Variants in EYA4 observed in about 807,000 individuals in gnomAD.
EYA4 encodes EYA transcriptional coactivator and phosphatase 4.
A neutral mutation model predicts 87.9 loss-of-function variants in EYA4; 31 were observed. That is an observed-to-expected ratio of 0.35 (90% CI 0.27 to 0.48). The LOEUF (loss-of-function observed/expected upper bound fraction) is 0.48. Ranked by LOEUF, EYA4 falls within the 20% of genes least tolerant of loss-of-function variation. The pLI is 0.99. For synonymous variants in EYA4, 263 were observed against 270.6 expected (o/e 0.97, Z 0.28); for missense variants, 678 against 761.4 (o/e 0.89, Z 1.29).
chr6:133,520,135 G>A (rs1433659590), intron 17 of EYA4, among the ~76,000 whole-genome samples: 1 of 151,876 alleles, frequency 6.6e-6, no homozygotes, highest in Non-Finnish European at 1.5e-5. Flanking sequence ...TTCTGGCCAG[G>A]GCAATTAGGC....
intron 14 of EYA4, among the ~76,000 whole-genome samples, chr6:133,509,359 A>T (rs1231969356): frequency 6.6e-6 from 1 of 151,210 alleles, no homozygotes; most frequent in African/African-American, 2.4e-5. Context: ...TTATGTTGTC[A>T]TTGTTGATGT....
intron 2 of EYA4, among the ~76,000 whole-genome samples, chr6:133,301,820 T>A (rs1057168180): frequency 4.3e-4 from 65 of 152,148 alleles, no homozygotes; most frequent in African/African-American, 1.5e-3. Flanking sequence ...TTTTTGCCAG[T>A]TTGCATTTTG....
intron 11 of EYA4, among the ~76,000 whole-genome samples, chr6:133,475,053 A>AAT: frequency 6.6e-6 from 1 of 152,246 alleles, no homozygotes; most frequent in South Asian, 2.1e-4. Context: ...TTATTCAATC[A>AAT]TGTATAGTAT....
At chr6:133,514,691 C>T (rs1799439088) in intron 16 of EYA4, among the ~76,000 whole-genome samples, 1 of 152,176 alleles carries the variant, frequency 6.6e-6, no homozygotes, top group Admixed American at 6.5e-5. Flanking sequence ...AAAATTAGCA[C>T]ATCTATCTTT....
At chr6:133,286,216 A>G (rs1011696998) in intron 2 of EYA4, among the ~76,000 whole-genome samples, 1 of 152,184 alleles carries the variant, frequency 6.6e-6, no homozygotes, top group Admixed American at 6.5e-5. Flanking sequence ...TTGCTAGTGC[A>G]CTGCATGGGG....
At position 133,318,799 on chromosome 6, in the gene EYA4, C is replaced by A. The variant is rs551153536; in HGVS notation, c.33+43986C>A. 5.3e-5 allele frequency among the ~76,000 whole-genome samples: 8 copies of A among 152,218 alleles called. 1 individual carries two copies. In the South Asian group the frequency reaches 1.7e-3, roughly 32 times the overall value. ...CTCTCATTTGTATGTAAGTGTGTTC[C>A]TAATGTTGAGTTTCCTTGCAAGTCC... On this transcript the variant is annotated intron_variant, in intron 2 of 19. Transcript: ENST00000355286.
rs1795062840 is a variant in EYA4 at position 133,468,717 on chromosome 6, T to C, written c.956T>C (p.Leu319Pro). 1.2e-6 allele frequency: 2 copies of C among 1,612,938 alleles called. No individual in the cohort carries two copies. The highest frequency in any genetic ancestry group is 1.3e-5 in the African/African-American group (1 of 74,874). The change falls in exon 11 of 20, where the codon CTG becomes CCG. Residue 319 changes from leucine to proline, a missense_variant. Leu to Pro is a moderately conservative substitution (Grantham distance 98, BLOSUM62 -3). Transcript: ENST00000355286. ...TYQLQESLPG[L>P]TNQPGEFDTM... ...CAGTTGCAGGAATCTCTCCCAGGAC[T>C]GACTAACCAACCAGGTACAGATCTT...
chr6:133,399,445 A>ATG (rs927047440), intron 3 of EYA4, among the ~76,000 whole-genome samples: 43 of 152,150 alleles, frequency 2.8e-4, no homozygotes, highest in Non-Finnish European at 5.4e-4. Context: ...AAGGTGGAAA[A>ATG]AGTTAGAGAG....
At chr6:133,274,927 G>T in intron 2 of EYA4, 114 bp downstream of exon 2, 1 of 845,912 alleles carries the variant, frequency 1.2e-6, no homozygotes, top group Non-Finnish European at 1.9e-6. Context: ...ATTTTTAAAT[G>T]ATTTTTGAAT....
intron 2 of EYA4, 82 bp from the exon 3 acceptor site, chr6:133,382,310 C>T: frequency 2.1e-6 from 2 of 946,566 alleles, no homozygotes; most frequent in South Asian, 2.6e-5. Flanking sequence ...GTGAACAGAG[C>T]TATATCCGCT....
At chr6:133,431,717 T>C (rs1414440635) in intron 3 of EYA4, among the ~76,000 whole-genome samples, 1 of 152,200 alleles carries the variant, frequency 6.6e-6, no homozygotes, top group African/African-American at 2.4e-5. Context: ...GAAAGAATTA[T>C]ATGGCAGGTA....
chr6:133,506,289 T>C, intron 14 of EYA4, 94 bp downstream of exon 14: 3 of 730,096 alleles, frequency 4.1e-6, no homozygotes, highest in Non-Finnish European at 7.1e-6. Flanking sequence ...AACAGAAAGA[T>C]AAAAATTCAG....
intron 12 of EYA4, 65 bp from the exon 13 acceptor site, chr6:133,482,967 G>T (rs1796346644): frequency 8.1e-7 from 1 of 1,231,334 alleles, no homozygotes; most frequent in Non-Finnish European, 1.2e-6. Context: ...GACATTTTCT[G>T]CTTGTAAAGA....
intron 2 of EYA4, among the ~76,000 whole-genome samples, chr6:133,303,177 A>G (rs1318493667): frequency 6.6e-6 from 1 of 152,152 alleles, no homozygotes; most frequent in Non-Finnish European, 1.5e-5. Context: ...ACAATACTGT[A>G]TTTGGTTCTA....
chr6:133,485,841 G>A (rs978256718), intron 13 of EYA4, among the ~76,000 whole-genome samples: 1 of 152,202 alleles, frequency 6.6e-6, no homozygotes, highest in Non-Finnish European at 1.5e-5. Flanking sequence ...ATTGGAAGGG[G>A]ATGAGAAAGA....
At chr6:133,337,471 G>C (rs1263812030) in intron 2 of EYA4, among the ~76,000 whole-genome samples, 1 of 152,112 alleles carries the variant, frequency 6.6e-6, no homozygotes, top group Admixed American at 6.5e-5. Context: ...CAGACACAGA[G>C]GTCAGAAGTC....
intron 2 of EYA4, among the ~76,000 whole-genome samples, chr6:133,324,018 C>T (rs1781302079): frequency 6.6e-6 from 1 of 152,026 alleles, no homozygotes; most frequent in Admixed American, 6.6e-5. Flanking sequence ...TTTCCATCTC[C>T]ATGTGAAGAA....
At chr6:133,469,254 T>A (rs1039556810) in intron 11 of EYA4, among the ~76,000 whole-genome samples, 8 of 152,084 alleles carry the variant, frequency 5.3e-5, no homozygotes, top group African/African-American at 1.9e-4. Context: ...TTGCGACACG[T>A]AATTTGACAC....
intron 1 of EYA4, among the ~76,000 whole-genome samples, chr6:133,263,063 G>A (rs1209154564): frequency 6.6e-6 from 1 of 152,174 alleles, no homozygotes; most frequent in Admixed American, 6.5e-5. Flanking sequence ...GGTGGTTGGA[G>A]CCAGCCAGTG....
Sources: allele counts gnomAD v4.1 joint callset (sites outside exome capture counted in the v4.1 genomes callset), GRCh38; gene constraint gnomAD v4.1.1; transcripts MANE v1.5; gene names NCBI Gene and HGNC (gene_info 2026-07-23, HGNC 2026-07-21).